Variants in NUP188 observed in about 807,000 individuals in gnomAD.
NUP188 encodes nucleoporin 188.
In NUP188, 97 loss-of-function variants were observed where a neutral mutation model predicts 223.0. The observed-to-expected ratio is 0.43, with a 90% CI of 0.37 to 0.51. The LOEUF (loss-of-function observed/expected upper bound fraction) is 0.51. Ranked by LOEUF, NUP188 falls within the 20% of genes least tolerant of loss-of-function variation. The probability of loss-of-function intolerance (pLI) is 0.00; values close to 1 mark genes in which losing one functional copy is unlikely to be tolerated. For missense variants in NUP188, 1,947 were observed against 2,175.6 expected (o/e 0.89, Z 2.09); for synonymous variants, 869 against 828.0 (o/e 1.05, Z -0.85).
intron 4 of NUP188, 26 bp from the exon 5 acceptor site, chr9:128,956,926 C>G: frequency 1.3e-6 from 2 of 1,545,800 alleles, no homozygotes; most frequent in Non-Finnish European, 1.8e-6. Context: ...CTGAGCTGTT[C>G]CTTACTTAAA....
chr9:128,965,245 A>G (rs1842011818), intron 8 of NUP188, among the ~76,000 whole-genome samples: 1 of 152,108 alleles, frequency 6.6e-6, no homozygotes, highest in Non-Finnish European at 1.5e-5. Flanking sequence ...CTTGATTGAT[A>G]CAGAGCTATT....
intron 32 of NUP188, 133 bp downstream of exon 32, chr9:128,998,756 C>A: frequency 2.8e-6 from 2 of 709,752 alleles, no homozygotes; most frequent in Non-Finnish European, 5.0e-6. Flanking sequence ...AGTGACATAG[C>A]AGATAGGAGG....
chr9:128,993,790 G>T, intron 27 of NUP188, 96 bp downstream of exon 27: 1 of 1,120,828 alleles, frequency 8.9e-7, no homozygotes, highest in Non-Finnish European at 1.3e-6. Flanking sequence ...CAGTTCACTG[G>T]GAATAAGAGT....
At chr9:128,967,945 C>T (rs889651422) in intron 8 of NUP188, among the ~76,000 whole-genome samples, 1 of 151,970 alleles carries the variant, frequency 6.6e-6, no homozygotes. Flanking sequence ...GGTGACAGAG[C>T]GAGACCCTCT....
At chr9:128,983,114 C>T in intron 17 of NUP188, 86 bp downstream of exon 17, 2 of 1,558,964 alleles carry the variant, frequency 1.3e-6, no homozygotes, top group Non-Finnish European at 1.8e-6. Context: ...GACACATACC[C>T]ACTGGGTTAA....
chr9:128,983,854 T>C (rs1842291896), intron 19 of NUP188, among the ~76,000 whole-genome samples: 1 of 151,994 alleles, frequency 6.6e-6, no homozygotes, highest in South Asian at 2.1e-4. Context: ...GGAGTTTCGC[T>C]CTGTTACCGA....
rs553004661 is a variant in NUP188 at position 128,979,782 on chromosome 9, G to A, written c.1269+455G>A. On this transcript the variant is annotated intron_variant, in intron 13 of 43. Transcript: ENST00000372577. ...CAAGTAGCTGGGATTACAGGCGCCC[G>A]CCACCATGCCTGGCTAATTTTTTGT... 2.4e-3 allele frequency among the ~76,000 whole-genome samples: 369 copies of A among 152,220 alleles called. 4 individuals carry two copies. The highest frequency in any genetic ancestry group is 8.4e-3 in the African/African-American group (347 of 41,522).
intron 20 of NUP188, among the ~76,000 whole-genome samples, chr9:128,986,249 C>A (rs991618224): frequency 2.0e-5 from 3 of 152,218 alleles, no homozygotes; most frequent in Middle Eastern, 6.8e-3. Flanking sequence ...TGGCATTGTT[C>A]ATCATCAGCA....
Position 129,001,883 on chromosome 9 carries a change from G to T in NUP188, c.4045-1G>T. 1 of 1,613,496 alleles carries T rather than the reference G, an allele frequency of 6.2e-7. No individual in the cohort carries two copies. The highest frequency in any genetic ancestry group is 8.5e-7 in the Non-Finnish European group (1 of 1,179,474). On this transcript the variant is annotated splice_acceptor_variant, in intron 35 of 43. Coordinates refer to ENST00000372577, the MANE Select transcript of NUP188 (RefSeq NM_015354.3). LOFTEE classifies it high-confidence loss of function. ...CATTTCCTGTCTTTCCCTCCTCCCA[G>T]GGAGCCACAGCAGTGGCTGGAGCTG...
intron 8 of NUP188, chr9:128,964,364 CTT>C (rs375961026): frequency 0.02 from 3,853 of 195,910 alleles, no homozygotes; most frequent in South Asian, 0.052. Flanking sequence ...CACCTTAATT[CTT>C]TTTTTTTTTT....
At position 129,006,291 on chromosome 9, in the gene NUP188, G is replaced by T. The variant is rs1474658218; in HGVS notation, c.4996G>T (p.Ala1666Ser). 6.2e-7 allele frequency: 1 copy of T among 1,614,020 alleles called. No homozygotes were observed. Among genetic ancestry groups the T allele is most frequent in the Non-Finnish European group, 8.5e-7 (1 of 1,180,038 alleles). The change falls in exon 43 of 44, where the codon GCG (alanine) becomes TCG (serine). Residue 1666 changes from alanine (A) to serine (S), a missense_variant. This residue lies in a region of NUP188 where 905 missense variants were observed against 990.6 expected (regional missense o/e 0.91). Coordinates refer to ENST00000372577, the MANE Select transcript of NUP188 (RefSeq NM_015354.3). ...ENCFYLLISQ[A>S]MRYLRDPAVH... ...CTGCTTCTACCTGCTCATCTCTCAGGCGATGCGGTACCTTAGGGACCCGGC... is the reference window on the plus strand; with the variant it reads ...CTGCTTCTACCTGCTCATCTCTCAGTCGATGCGGTACCTTAGGGACCCGGC...
Position 128,983,599 on chromosome 9 carries a change from A to G in NUP188, c.1961+49A>G, listed in dbSNP as rs143436185. 762 of 1,248,108 alleles carry G rather than the reference A, an allele frequency of 6.1e-4. 10 individuals are homozygous for G. The East Asian group carries it at 0.017, about 28-fold the overall frequency. The allele number at this position is 1,248,108 out of a possible 1,614,324, so 77.3% of individuals were successfully genotyped here. On this transcript the variant is annotated intron_variant, in intron 19 of 43. Coordinates refer to ENST00000372577, the MANE Select transcript of NUP188 (RefSeq NM_015354.3). ...GGCCATATTCCCTAGTGAGAACCAC[A>G]TATGTCTCAGATCTAGCCTAGGTTT...
intron 20 of NUP188, among the ~76,000 whole-genome samples, chr9:128,985,557 G>T (rs1296881473): frequency 4.6e-5 from 7 of 152,174 alleles, no homozygotes; most frequent in African/African-American, 7.2e-5. Context: ...AAATTTTGGA[G>T]TCAGAATTAG....
At position 128,983,774 on chromosome 9, in the gene NUP188, C is replaced by G. The variant is rs1842290684; in HGVS notation, c.1961+224C>G. On this transcript the variant is annotated intron_variant, in intron 19 of 43. Transcript: ENST00000372577. The stretch of plus-strand genomic sequence containing the variant: ...CCTCCCGAGTAGCTGGGATTATAGG[C>G]TCGAGCCACCACGCCCAGCTAATTT... 2.0e-5 allele frequency among the ~76,000 whole-genome samples: 3 copies of G among 152,096 alleles called. No individual in the cohort carries two copies. In the South Asian group the frequency reaches 6.2e-4, roughly 32 times the overall value.
Position 129,006,080 on chromosome 9 carries a change from G to C in NUP188, c.4900G>C (p.Ala1634Pro). 6.2e-7 allele frequency: 1 copy of C among 1,614,136 alleles called. No homozygotes were observed. The highest frequency in any genetic ancestry group is 8.5e-7 in the Non-Finnish European group (1 of 1,180,014). The change falls in exon 42 of 44, where the codon GCA becomes CCA. Residue 1634 changes from alanine (A) to proline (P), a missense_variant. Physicochemically the swap from Ala to Pro is conservative, Grantham distance 27. Around this residue, in one of 3 missense-constraint regions of NUP188, gnomAD observed 905 missense variants for 990.6 expected, o/e 0.91. Coordinates refer to ENST00000372577, the MANE Select transcript of NUP188 (RefSeq NM_015354.3). Reference sequence around the variant, plus strand: ...CAAGAAAAAGGAGCCCCTCACCCAGGCAGTGGGGCTCAGCACACAGGCAGA... The same window carrying C: ...CAAGAAAAAGGAGCCCCTCACCCAGCCAGTGGGGCTCAGCACACAGGCAGA... ...LDKKKEPLTQ[A>P]VGLSTQAEGT...
intron 11 of NUP188, 95 bp from the exon 12 acceptor site, chr9:128,973,065 G>T: frequency 1.7e-6 from 1 of 578,912 alleles, no homozygotes. Context: ...CTTCCCATTT[G>T]TTTACAAAGA....
chr9:128,987,211 A>G (rs1357237574), intron 22 of NUP188, among the ~76,000 whole-genome samples: 1 of 151,952 alleles, frequency 6.6e-6, no homozygotes, highest in Non-Finnish European at 1.5e-5. Flanking sequence ...CACTCTTCAT[A>G]TATATCTGCA....
At chr9:128,971,047 T>C (rs1842098591) in intron 11 of NUP188, 89 bp downstream of exon 11, 2 of 1,008,934 alleles carry the variant, frequency 2.0e-6, no homozygotes, top group Non-Finnish European at 3.2e-6. Context: ...GTGTGGATAA[T>C]GGGATCATGT....
At position 128,974,389 on chromosome 9, in the gene NUP188, G is replaced by GTTTT. The variant is rs778841218; in HGVS notation, c.1203+1157_1203+1160dup. ...AGTAAGTCTTCTGCAGCAGGTTGTT[G>GTTTT]TTTTTTTTTTTTTTTTTTTTGAGAC... On this transcript the variant is annotated intron_variant, in intron 12 of 43. Transcript: ENST00000372577. 1.1e-3 allele frequency among the ~76,000 whole-genome samples: 127 copies of GTTTT among 113,310 alleles called. 1 individual carries two copies. The highest frequency in any genetic ancestry group is 3.1e-3 in the South Asian group (11 of 3,496). The allele number at this position is 113,310 out of a possible 152,430, so 74.3% of individuals were successfully genotyped here. A position where few individuals can be genotyped will look rare whatever the true frequency, so the allele number is the denominator to read the frequency against.
Sources: gnomAD v4.1 joint callset for allele counts (sites outside exome capture counted in the v4.1 genomes callset) on GRCh38, gnomAD v4.1.1 for gene constraint, gnomAD v4.1.1 regional missense constraint, MANE v1.5 for transcripts, NCBI Gene and HGNC (gene_info 2026-07-23, HGNC 2026-07-21) for gene names.